TMEM38B: variants seen among roughly 807,000 people sequenced by gnomAD.
TMEM38B encodes trimeric intracellular cation channel type B.
In TMEM38B, 24 loss-of-function variants were observed where a neutral mutation model predicts 28.7. That is an observed-to-expected ratio of 0.84 (90% CI 0.61 to 1.18). The LOEUF is 1.18. TMEM38B is among the 50% of genes most tolerant of loss of function. TMEM38B has a pLI of 0.00. For missense variants in TMEM38B, 380 were observed against 350.9 expected, an observed-to-expected ratio of 1.08 and a Z score of -0.66; for synonymous variants, 131 against 127.7, an observed-to-expected ratio of 1.03 and a Z score of -0.17.
intron 2 of TMEM38B, among the ~76,000 whole-genome samples, chr9:105,716,955 A>G (rs546437337): frequency 1.3e-5 from 2 of 152,302 alleles, no homozygotes; most frequent in South Asian, 4.1e-4. Flanking sequence ...GTAAGGTATT[A>G]ATAGTCAGAT....
intron 5 of TMEM38B, among the ~76,000 whole-genome samples, chr9:105,757,441 G>A (rs540813339): frequency 1.3e-3 from 200 of 152,214 alleles, no homozygotes; most frequent in African/African-American, 4.6e-3. Context: ...GGGATTACTG[G>A]ATCAAATGGT....
chr9:105,763,250 C>G (rs559246958), intron 5 of TMEM38B, among the ~76,000 whole-genome samples: 1 of 152,120 alleles, frequency 6.6e-6, no homozygotes, highest in East Asian at 1.9e-4. Flanking sequence ...TGTGCAGAAG[C>G]TCTTTAGTTT....
intron 4 of TMEM38B, among the ~76,000 whole-genome samples, chr9:105,739,537 C>T (rs1402413652): frequency 6.6e-6 from 1 of 151,864 alleles, no homozygotes; most frequent in African/African-American, 2.4e-5. Flanking sequence ...GTTCCTTTTT[C>T]TTTTTTTAGA....
chr9:105,703,237 C>A (rs924169986), intron 1 of TMEM38B, among the ~76,000 whole-genome samples: 39 of 152,144 alleles, frequency 2.6e-4, no homozygotes, highest in Non-Finnish European at 5.1e-4. Context: ...GTAATCCCAG[C>A]ACTTTGGGAG....
chr9:105,737,789 C>G (rs531576925), intron 4 of TMEM38B, among the ~76,000 whole-genome samples: 1 of 152,302 alleles, frequency 6.6e-6, no homozygotes, highest in African/African-American at 2.4e-5. Context: ...AGCTCCGGTG[C>G]TGCTTTGGCT....
chr9:105,711,553 A>G (rs906730084), intron 2 of TMEM38B, among the ~76,000 whole-genome samples: 1 of 151,762 alleles, frequency 6.6e-6, no homozygotes, highest in African/African-American at 2.4e-5. Flanking sequence ...AAATCAAGAA[A>G]TACAACTTTG....
chr9:105,694,587 C>G lies in TMEM38B; in HGVS notation c.-74C>G. On this transcript the variant is annotated 5_prime_UTR_variant, in exon 1 of 6. Coordinates refer to ENST00000374692, the MANE Select transcript of TMEM38B (RefSeq NM_018112.3). ...GAGCGGGCGGCCGCGGCTGTGCCCT[C>G]TCCTACTCCTCACCGCGCGAGCGCG... 2.3e-6 allele frequency: 3 copies of G among 1,279,990 alleles called. No homozygotes were observed. Among genetic ancestry groups the G allele is most frequent in the Admixed American group, 1.7e-5 (1 of 58,254 alleles). 79.3% of individuals were successfully genotyped at this position (1,279,990 alleles called of 1,614,324 possible).
At chr9:105,747,925 A>G (rs1217702266) in intron 4 of TMEM38B, 148 bp from the exon 5 acceptor site, 2 of 561,978 alleles carry the variant, frequency 3.6e-6, no homozygotes, top group Non-Finnish European at 6.3e-6. Context: ...AGCACTTTCA[A>G]CACTTTTTAA....
intron 2 of TMEM38B, 130 bp from the exon 3 acceptor site, chr9:105,721,407 C>A: frequency 2.8e-6 from 2 of 703,770 alleles, no homozygotes; most frequent in Non-Finnish European, 4.4e-6. Context: ...TTATTGAAAT[C>A]AAGTTAAATG....
intron 1 of TMEM38B, chr9:105,701,766 G>A (rs2133547074): frequency 6.6e-6 from 1 of 152,290 alleles, no homozygotes; most frequent in Middle Eastern, 3.4e-3. Context: ...GCTTCTATGT[G>A]ATCCATTATA....
chr9:105,739,777 G>A (rs1316287502), intron 4 of TMEM38B, among the ~76,000 whole-genome samples: 1 of 151,876 alleles, frequency 6.6e-6, no homozygotes, highest in Non-Finnish European at 1.5e-5. Context: ...TGCCCACCTT[G>A]GCCTCCTAAA....
chr9:105,744,681 A>T (rs1837326079), intron 4 of TMEM38B, among the ~76,000 whole-genome samples: 1 of 151,952 alleles, frequency 6.6e-6, no homozygotes, highest in Non-Finnish European at 1.5e-5. Context: ...GGTGTGCTAC[A>T]CCCATTAACT....
intron 5 of TMEM38B, among the ~76,000 whole-genome samples, chr9:105,756,159 T>G (rs961918267): frequency 6.6e-6 from 1 of 152,134 alleles, no homozygotes; most frequent in East Asian, 1.9e-4. Context: ...AAAAAACAAA[T>G]AAATAAATAA....
At chr9:105,749,100 G>A (rs2133620379) in intron 5 of TMEM38B, 1 of 1,303,500 alleles carries the variant, frequency 7.7e-7, no homozygotes, top group East Asian at 5.6e-5. Flanking sequence ...ATGATCTGTG[G>A]CTGTAATTCA....
intron 4 of TMEM38B, among the ~76,000 whole-genome samples, chr9:105,728,999 G>A (rs2133587847): frequency 6.6e-6 from 1 of 152,198 alleles, no homozygotes; most frequent in South Asian, 2.1e-4. Flanking sequence ...CAGATGAGTA[G>A]ATTGCAAAAA....
chr9:105,743,058 A>G (rs1303387190), intron 4 of TMEM38B, among the ~76,000 whole-genome samples: 2 of 152,166 alleles, frequency 1.3e-5, no homozygotes, highest in East Asian at 3.9e-4. Flanking sequence ...GTTTGGATGG[A>G]ACAGATCTGG....
intron 4 of TMEM38B, among the ~76,000 whole-genome samples, chr9:105,740,041 C>G (rs988275660): frequency 1.3e-5 from 2 of 151,324 alleles, no homozygotes; most frequent in African/African-American, 2.4e-5. Context: ...CACCACCATG[C>G]CCAGCTAGTT....
intron 1 of TMEM38B, among the ~76,000 whole-genome samples, chr9:105,700,008 A>T (rs1380713588): frequency 1.3e-5 from 2 of 152,216 alleles, no homozygotes; most frequent in African/African-American, 2.4e-5. Context: ...TCATTAAAAT[A>T]AACACATTTC....
At chr9:105,730,586 A>T (rs1168346672) in intron 4 of TMEM38B, among the ~76,000 whole-genome samples, 1 of 152,158 alleles carries the variant, frequency 6.6e-6, no homozygotes, top group Non-Finnish European at 1.5e-5. Flanking sequence ...TCATAAAATG[A>T]GTTAGGGAGG....
Sources: gnomAD v4.1 joint callset for allele counts (sites outside exome capture counted in the v4.1 genomes callset) on GRCh38, gnomAD v4.1.1 for gene constraint, MANE v1.5 for transcripts, NCBI Gene and HGNC (gene_info 2026-07-23, HGNC 2026-07-21) for gene names.